The following GSG1L variants were observed in gnomAD, a reference collection of about 807,000 sequenced individuals.
GSG1L encodes germ cell-specific gene 1-like protein.
Under a neutral mutation model 42.1 loss-of-function variants are expected in GSG1L, and 24 were observed. That is an observed-to-expected ratio of 0.57 (90% CI 0.41 to 0.80). The LOEUF (loss-of-function observed/expected upper bound fraction) is 0.80. GSG1L is among the 30% of genes least tolerant of loss of function. The pLI is 0.00. For synonymous variants in GSG1L, 215 were observed against 203.5 expected (o/e 1.06, Z -0.48); for missense variants, 445 against 472.2 (o/e 0.94, Z 0.53).
At chr16:27,797,796 T>C (rs1597456850) in intron 6 of GSG1L, among the ~76,000 whole-genome samples, 1 of 120,562 alleles carries the variant, frequency 8.3e-6, no homozygotes, top group African/African-American at 3.3e-5. Flanking sequence ...CACCACGGCC[T>C]GGGTGACAGA....
At chr16:27,801,432 C>T (rs932037594) in intron 6 of GSG1L, among the ~76,000 whole-genome samples, 1 of 152,174 alleles carries the variant, frequency 6.6e-6, no homozygotes, top group Admixed American at 6.5e-5. Context: ...TTAATAATGC[C>T]GGCTCCCTGA....
intron 1 of GSG1L, among the ~76,000 whole-genome samples, chr16:28,054,222 C>T (rs867809507): frequency 6.6e-6 from 1 of 152,202 alleles, no homozygotes; most frequent in Non-Finnish European, 1.5e-5. Flanking sequence ...ATACCCACCC[C>T]AGCTCTGCTT....
At chr16:27,999,430 T>A (rs905152640) in intron 1 of GSG1L, among the ~76,000 whole-genome samples, 1 of 152,190 alleles carries the variant, frequency 6.6e-6, no homozygotes, top group Non-Finnish European at 1.5e-5. Context: ...ATGGAAAGAA[T>A]GACCAAATTC....
chr16:27,932,749 T>G (rs373026045), intron 2 of GSG1L, among the ~76,000 whole-genome samples: 1 of 152,126 alleles, frequency 6.6e-6, no homozygotes, highest in East Asian at 1.9e-4. Context: ...TCCAGTGACA[T>G]AGGGGCAGAG....
intron 1 of GSG1L, among the ~76,000 whole-genome samples, chr16:28,004,235 A>C (rs1043505213): frequency 6.6e-6 from 1 of 152,178 alleles, no homozygotes; most frequent in Admixed American, 6.5e-5. Flanking sequence ...CTTGCCGCCA[A>C]GGCCCCAAGA....
At chr16:27,919,978 G>A (rs1311722624) in intron 2 of GSG1L, among the ~76,000 whole-genome samples, 1 of 152,196 alleles carries the variant, frequency 6.6e-6, no homozygotes, top group African/African-American at 2.4e-5. Flanking sequence ...GGCATGTTCC[G>A]AAGGGGGCTG....
intron 3 of GSG1L, among the ~76,000 whole-genome samples, chr16:27,854,941 C>T (rs1028797626): frequency 2.0e-5 from 3 of 152,188 alleles, no homozygotes; most frequent in Non-Finnish European, 2.9e-5. Flanking sequence ...CCCATCTCAT[C>T]TCTACCTTCT....
intron 2 of GSG1L, among the ~76,000 whole-genome samples, chr16:27,920,193 T>C (rs1183994398): frequency 6.6e-6 from 1 of 151,990 alleles, no homozygotes; most frequent in Non-Finnish European, 1.5e-5. Flanking sequence ...ATTTGGACTT[T>C]GTTGTGCACG....
intron 4 of GSG1L, among the ~76,000 whole-genome samples, chr16:27,842,222 A>G (rs2083393427): frequency 6.6e-6 from 1 of 152,152 alleles, no homozygotes; most frequent in African/African-American, 2.4e-5. Context: ...CGCGTGTTAA[A>G]TTTCATATCA....
At chr16:28,045,103 G>A (rs1193953684) in intron 1 of GSG1L, among the ~76,000 whole-genome samples, 2 of 151,212 alleles carry the variant, frequency 1.3e-5, no homozygotes, top group East Asian at 4.0e-4. Flanking sequence ...TTTTTTGGGG[G>A]TAGTGAAACG....
At chr16:27,792,821 G>C (rs2082770072) in intron 6 of GSG1L, among the ~76,000 whole-genome samples, 1 of 152,206 alleles carries the variant, frequency 6.6e-6, no homozygotes, top group Admixed American at 6.5e-5. Context: ...TGGGAGTGAA[G>C]GGGGGAAGGA....
At chr16:27,860,650 G>A (rs2083637250) in intron 3 of GSG1L, among the ~76,000 whole-genome samples, 1 of 152,240 alleles carries the variant, frequency 6.6e-6, no homozygotes, top group South Asian at 2.1e-4. Flanking sequence ...CCAATATGGA[G>A]AATTTCCATC....
chr16:28,059,769 C>T lies in GSG1L; in HGVS notation c.349+3307G>A, dbSNP rs939853781. Reference sequence around the variant, plus strand: ...TGAAGGGCTTGGGGTGACTCTGTGTCGAGGCCACGCTTCCCTTTCTGTTTG... The same window carrying T: ...TGAAGGGCTTGGGGTGACTCTGTGTTGAGGCCACGCTTCCCTTTCTGTTTG... On this transcript the variant is annotated intron_variant, in intron 1 of 6. Coordinates refer to ENST00000447459, the MANE Select transcript of GSG1L (RefSeq NM_001109763.2). This position sits in a 1 kb window ranked among gnomAD's most constrained non-coding sequence, Gnocchi z 4.4. 9.2e-5 allele frequency among the ~76,000 whole-genome samples: 14 copies of T among 152,110 alleles called. No individual in the cohort carries two copies. The highest frequency in any genetic ancestry group is 7.3e-5 in the Non-Finnish European group (5 of 68,036).
intron 1 of GSG1L, among the ~76,000 whole-genome samples, chr16:28,008,979 T>C (rs2085679138): frequency 6.6e-6 from 1 of 152,148 alleles, no homozygotes; most frequent in Admixed American, 6.6e-5. Flanking sequence ...TGGCTAATTT[T>C]TGTATTTTTA....
intron 1 of GSG1L, among the ~76,000 whole-genome samples, chr16:28,056,905 C>T (rs1243932988): frequency 6.6e-6 from 1 of 152,006 alleles, no homozygotes; most frequent in Non-Finnish European, 1.5e-5. Context: ...AGCAAGGCGG[C>T]TAATTTCAGT....
intron 1 of GSG1L, among the ~76,000 whole-genome samples, chr16:28,011,447 G>A (rs111243595): frequency 4.5e-4 from 68 of 152,362 alleles, no homozygotes; most frequent in African/African-American, 1.6e-3. Flanking sequence ...ACAAAAGGGA[G>A]TGTGAGGACC....
chr16:27,794,760 C>A (rs2082799192), intron 6 of GSG1L, among the ~76,000 whole-genome samples: 1 of 152,178 alleles, frequency 6.6e-6, no homozygotes, highest in Non-Finnish European at 1.5e-5. Flanking sequence ...AGGCTGCACT[C>A]AGCCCACGAG....
rs546690378 is a variant in GSG1L, at chr16:27,954,381, G to A, written c.397+8775C>T. On this transcript the variant is annotated intron_variant, in intron 2 of 6. Transcript: ENST00000447459. ...GGAGAAGGCTGGAAGTTGACTACCCGCATGGAGGAAGCCACAGAGGAAACT... is the reference window on the plus strand; with the variant it reads ...GGAGAAGGCTGGAAGTTGACTACCCACATGGAGGAAGCCACAGAGGAAACT... Among the ~76,000 whole-genome samples the A allele has an allele frequency of 4.6e-5, 7 of 152,272 alleles. No individual in the cohort carries two copies. In the East Asian group the frequency reaches 9.6e-4, roughly 21 times the overall value.
At chr16:27,942,293 G>C (rs1289179790) in intron 2 of GSG1L, among the ~76,000 whole-genome samples, 1 of 152,304 alleles carries the variant, frequency 6.6e-6, no homozygotes, top group Non-Finnish European at 1.5e-5. Context: ...GGGACTACAG[G>C]TGCTGGCCAC....
Sources: gnomAD v4.1 joint callset for allele counts (sites outside exome capture counted in the v4.1 genomes callset) on GRCh38, gnomAD v4.1.1 for gene constraint, Gnocchi (gnomAD v3.1) non-coding constraint, MANE v1.5 for transcripts, NCBI Gene and HGNC (gene_info 2026-07-23, HGNC 2026-07-21) for gene names.